CPM: variants seen among roughly 807,000 people sequenced by gnomAD.
CPM encodes the protein carboxypeptidase M.
A neutral mutation model predicts 46.4 loss-of-function variants in CPM; 35 were observed. The observed-to-expected ratio is 0.75, with a 90% CI of 0.58 to 1.00. The LOEUF (loss-of-function observed/expected upper bound fraction) is 1.00. Among genes scored for constraint, CPM ranks in the 50% least tolerant of loss-of-function variants. The probability of loss-of-function intolerance (pLI) is 0.00; values close to 1 mark genes in which losing one functional copy is unlikely to be tolerated. For synonymous variants in CPM, 195 were observed against 195.3 expected, an observed-to-expected ratio of 1.00 and a Z score of 0.01; for missense variants, 422 against 530.4, an observed-to-expected ratio of 0.80 and a Z score of 2.01.
In CPM at chr12:68,870,372, A is replaced by G. The variant is rs572340538; in HGVS notation, c.459T>C (p.Asn153=). The change falls in exon 5 of 9, where the codon AAT becomes AAC. Residue 153 remains asparagine, a synonymous_variant. Coordinates refer to ENST00000551568, the MANE Select transcript of CPM (RefSeq NM_198320.5). ...GRENYNQYDL[N]RNFPDAFEYN... ...ATTCAAAAGCATCGGGGAAATTTCG[A>G]TTCAAGTCATACTGGTTATAATTTT... 2 of 1,614,158 alleles carry G rather than the reference A, an allele frequency of 1.2e-6. No individual in the cohort carries two copies. Among genetic ancestry groups the G allele is most frequent in the South Asian group, 1.1e-5 (1 of 91,082 alleles).
upstream of CPM, among the ~76,000 whole-genome samples, chr12:68,933,864 C>G (rs991097987): frequency 6.6e-6 from 1 of 152,228 alleles, no homozygotes; most frequent in Admixed American, 6.5e-5. Context: ...CTGGAAGTCA[C>G]ATCGAAGAAG....
At chr12:68,949,444 C>T (rs558925305) in intron 1 of CPM, among the ~76,000 whole-genome samples, 32 of 152,318 alleles carry the variant, frequency 2.1e-4, no homozygotes, top group Admixed American at 3.9e-4. Flanking sequence ...TGAGTGCCAA[C>T]ATGACTGTGG....
At chr12:68,911,956 CT>C (rs1405543717) in intron 2 of CPM, 1 of 152,028 alleles carries the variant, frequency 6.6e-6, no homozygotes, top group African/African-American at 2.4e-5. Context: ...GTCTAATAGG[CT>C]TTCTGGTTTT....
intron 3 of CPM, among the ~76,000 whole-genome samples, chr12:68,883,944 A>G (rs1886316047): frequency 6.6e-6 from 1 of 150,928 alleles, no homozygotes; most frequent in South Asian, 2.1e-4. Flanking sequence ...AAAAAAAAAA[A>G]AAAATACAAA....
Position 68,891,680 on chromosome 12 carries a change from C to G in CPM, c.161-5791G>C, listed in dbSNP as rs137979145. On this transcript the variant is annotated intron_variant, in intron 2 of 8. Coordinates refer to ENST00000551568, the MANE Select transcript of CPM (RefSeq NM_198320.5). The stretch of plus-strand genomic sequence containing the variant: ...ATCCTTGTGTTCCATCCTGGATGTG[C>G]TGAATGAGAAACTCTGGGGTTGGGG... 5.3e-5 allele frequency among the ~76,000 whole-genome samples: 8 copies of G among 152,196 alleles called. No individual in the cohort carries two copies. The East Asian group carries it at 1.5e-3, about 29-fold the overall frequency.
chr12:68,907,706 T>G (rs1887411509), intron 2 of CPM, among the ~76,000 whole-genome samples: 5 of 152,202 alleles, frequency 3.3e-5, no homozygotes, highest in African/African-American at 1.2e-4. Context: ...CACACAACAT[T>G]CTTTTTCCAG....
chr12:68,961,442 A>G (rs1325756820), intron 1 of CPM, among the ~76,000 whole-genome samples: 6 of 151,916 alleles, frequency 3.9e-5, no homozygotes, highest in Non-Finnish European at 7.4e-5. Flanking sequence ...CACAGTGCCC[A>G]GCCTAAATTT....
At chr12:68,865,451 A>C (rs905445750) in intron 7 of CPM, among the ~76,000 whole-genome samples, 2 of 152,146 alleles carry the variant, frequency 1.3e-5, no homozygotes, top group Non-Finnish European at 2.9e-5. Context: ...GAAGGGTCCT[A>C]ATCATCCTTG....
intron 1 of CPM, among the ~76,000 whole-genome samples, chr12:68,949,773 T>C (rs1335742121): frequency 6.6e-6 from 1 of 152,054 alleles, no homozygotes; most frequent in Non-Finnish European, 1.5e-5. Flanking sequence ...CAATGGAAAA[T>C]TGCAGGTGAG....
chr12:68,898,834 T>C (rs1886996480), intron 2 of CPM, among the ~76,000 whole-genome samples: 1 of 152,220 alleles, frequency 6.6e-6, no homozygotes, highest in Non-Finnish European at 1.5e-5. Context: ...TCATCCATAT[T>C]ATGGGATTAA....
chr12:68,887,529 A>G (rs1320677893), intron 2 of CPM, among the ~76,000 whole-genome samples: 1 of 152,234 alleles, frequency 6.6e-6, no homozygotes, highest in Admixed American at 6.5e-5. Flanking sequence ...ATTTAACTGC[A>G]GGAGTTCTCA....
chr12:68,937,540 G>A (rs539510875), upstream of CPM, among the ~76,000 whole-genome samples: 8 of 152,306 alleles, frequency 5.3e-5, no homozygotes, highest in African/African-American at 1.4e-4. Context: ...GAATATTATA[G>A]CTGTACAATT....
intron 3 of CPM, among the ~76,000 whole-genome samples, chr12:68,873,912 TCTC>T (rs1885823933): frequency 6.6e-6 from 1 of 151,748 alleles, no homozygotes; most frequent in African/African-American, 2.4e-5. Flanking sequence ...TTCAAGCAAT[TCTC>T]CTGCCTCACC....
chr12:68,960,832 TC>T (rs1397516914), intron 1 of CPM, among the ~76,000 whole-genome samples: 1 of 152,164 alleles, frequency 6.6e-6, no homozygotes, highest in East Asian at 1.9e-4. Context: ...TATGACTTGT[TC>T]AGGTGAATTA....
At chr12:68,954,298 C>G (rs1888978660) in intron 1 of CPM, among the ~76,000 whole-genome samples, 1 of 152,072 alleles carries the variant, frequency 6.6e-6, no homozygotes, top group African/African-American at 2.4e-5. Context: ...TCCTTCAGTC[C>G]CCTCACTCTG....
rs932189681 is a variant in CPM, at chr12:68,855,322, T to C, written c.*1115A>G. 6 of 152,114 alleles carry C rather than the reference T, an allele frequency of 3.9e-5. No homozygotes were observed. Among genetic ancestry groups the C allele is most frequent in the African/African-American group, 1.2e-4 (5 of 41,404 alleles). The allele number at this position is 152,114 out of a possible 1,614,324, so 9.4% of individuals were successfully genotyped here. A position where few individuals can be genotyped will look rare whatever the true frequency, so the allele number is the denominator to read the frequency against. On this transcript the variant is annotated 3_prime_UTR_variant, in exon 9 of 9. Transcript: ENST00000551568. The stretch of plus-strand genomic sequence containing the variant: ...GAACAGGATGAGTATCTCCACATGA[T>C]GGGTTGGAGGTACCTGTGAGTCACA...
chr12:68,900,474 G>A (rs1887067281), intron 2 of CPM, among the ~76,000 whole-genome samples: 1 of 152,192 alleles, frequency 6.6e-6, no homozygotes, highest in Non-Finnish European at 1.5e-5. Context: ...CAGTTTGCAA[G>A]TGTCTTACAA....
At chr12:68,892,972 T>C (rs1456157391) in intron 2 of CPM, among the ~76,000 whole-genome samples, 1 of 151,608 alleles carries the variant, frequency 6.6e-6, no homozygotes, top group African/African-American at 2.4e-5. Context: ...GTTGGAGGGT[T>C]GGGGGCAAGG....
intron 1 of CPM, among the ~76,000 whole-genome samples, chr12:68,962,109 A>G (rs1592719016): frequency 6.6e-6 from 1 of 151,578 alleles, no homozygotes; most frequent in Non-Finnish European, 1.5e-5. Context: ...CTGAGGCAGG[A>G]GAATGGCGTG....
Sources: allele counts gnomAD v4.1 joint callset (sites outside exome capture counted in the v4.1 genomes callset), GRCh38; gene constraint gnomAD v4.1.1; transcripts MANE v1.5; gene names NCBI Gene and HGNC (gene_info 2026-07-23, HGNC 2026-07-21).